The following EPC2 variants were observed in gnomAD, a reference collection of about 807,000 sequenced individuals.
EPC2 encodes enhancer of polycomb 2, also known as enhancer of polycomb homolog 2.
A neutral mutation model predicts 92.1 loss-of-function variants in EPC2; 14 were observed. The observed-to-expected ratio is 0.15, with a 90% CI of 0.10 to 0.24. The LOEUF is 0.24. Ranked by LOEUF, EPC2 falls within the 10% of genes least tolerant of loss-of-function variation. The pLI is 1.00. For synonymous variants in EPC2, 340 were observed against 334.7 expected, an observed-to-expected ratio of 1.02 and a Z score of -0.17; for missense variants, 755 against 971.5, an observed-to-expected ratio of 0.78 and a Z score of 2.96.
intron 1 of EPC2, among the ~76,000 whole-genome samples, chr2:148,658,819 ATATG>A (rs146623989): frequency 0.017 from 2,577 of 152,068 alleles, 66 homozygotes; most frequent in African/African-American, 0.058. Context: ...ATTAAACTAT[ATATG>A]TATGTTATAT....
intron 1 of EPC2, among the ~76,000 whole-genome samples, chr2:148,673,983 C>G (rs1681206322): frequency 1.3e-5 from 2 of 152,110 alleles, no homozygotes. Context: ...ATTCATAGAT[C>G]TTTTGGGTTG....
Position 148,644,807 on chromosome 2 carries a change from G to A in EPC2, c.-211G>A, listed in dbSNP as rs1421356851. Among the ~76,000 whole-genome samples, 1 of 147,690 alleles carries A rather than the reference G, an allele frequency of 6.8e-6. No homozygotes were observed. Among genetic ancestry groups the A allele is most frequent in the Non-Finnish European group, 1.5e-5 (1 of 66,562 alleles). On this transcript the variant is annotated 5_prime_UTR_variant, in exon 1 of 14. Transcript: ENST00000258484. ...GGAGCGGATCGGGCGGGCGAGCGGC[G>A]GATCTAGTGTGTGGAGGCGGCCGCG...
rs148965392 is a variant in EPC2, at chr2:148,746,431, T to C, written c.459+2664T>C. On this transcript the variant is annotated intron_variant, in intron 3 of 13. Transcript: ENST00000258484. ...ATCCCTTTCCTTCATTGATAACTAATTCACTTCAGGGTTTGTCAGGTTTTA... is the reference window on the plus strand; with the variant it reads ...ATCCCTTTCCTTCATTGATAACTAACTCACTTCAGGGTTTGTCAGGTTTTA... Among the ~76,000 whole-genome samples the C allele has an allele frequency of 4.7e-3, 720 of 152,228 alleles. 4 individuals carry two copies. The highest frequency in any genetic ancestry group is 0.016 in the African/African-American group (677 of 41,552).
At chr2:148,748,451 G>A (rs189544723) in intron 3 of EPC2, among the ~76,000 whole-genome samples, 165 of 152,178 alleles carry the variant, frequency 1.1e-3, no homozygotes, top group Non-Finnish European at 2.0e-3. Context: ...CTTTAGTGCT[G>A]ACTTCTTTAA....
At chr2:148,779,424 A>T (rs1683706815) in intron 10 of EPC2, among the ~76,000 whole-genome samples, 2 of 152,102 alleles carry the variant, frequency 1.3e-5, no homozygotes, top group Non-Finnish European at 2.9e-5. Flanking sequence ...TATACAAAAA[A>T]TTTCTAAAAT....
At chr2:148,761,363 A>AGATG (rs1179317197) in intron 4 of EPC2, among the ~76,000 whole-genome samples, 1 of 152,184 alleles carries the variant, frequency 6.6e-6, no homozygotes, top group Non-Finnish European at 1.5e-5. Flanking sequence ...ACAGAGCTGG[A>AGATG]GATGGATGGA....
chr2:148,774,992 G>A (rs144082535), intron 10 of EPC2, among the ~76,000 whole-genome samples: 6,799 of 151,608 alleles, frequency 0.045, 176 homozygotes, highest in Middle Eastern at 0.058. Context: ...GGGAGGTTGA[G>A]GCAGGAGAAT....
chr2:148,770,473 C>T (rs550870496), intron 8 of EPC2, among the ~76,000 whole-genome samples: 1 of 152,214 alleles, frequency 6.6e-6, no homozygotes, highest in Admixed American at 6.5e-5. Flanking sequence ...GTAATTTCAC[C>T]ATCTCTACTT....
chr2:148,650,498 G>T (rs1680659717), intron 1 of EPC2, among the ~76,000 whole-genome samples: 1 of 152,030 alleles, frequency 6.6e-6, no homozygotes. Context: ...GGTGTGTGTA[G>T]ATTTCTGTGA....
chr2:148,674,277 A>C (rs1335569743), intron 1 of EPC2, among the ~76,000 whole-genome samples: 1 of 152,082 alleles, frequency 6.6e-6, no homozygotes, highest in East Asian at 1.9e-4. Flanking sequence ...GGTACTGCAG[A>C]TTCTCTGGTG....
chr2:148,718,540 T>C (rs1445303666), intron 2 of EPC2, among the ~76,000 whole-genome samples: 4 of 152,224 alleles, frequency 2.6e-5, no homozygotes, highest in Admixed American at 6.5e-5. Context: ...GAAATTCTTT[T>C]CTTTAAGAAT....
At chr2:148,713,198 CATT>C (rs796495310) in intron 2 of EPC2, among the ~76,000 whole-genome samples, 5 of 152,240 alleles carry the variant, frequency 3.3e-5, no homozygotes, top group Admixed American at 2.0e-4. Context: ...TTTCAGAAGA[CATT>C]ATAGGAGATA....
At chr2:148,701,425 A>T (rs991170946) in intron 2 of EPC2, among the ~76,000 whole-genome samples, 1 of 152,178 alleles carries the variant, frequency 6.6e-6, no homozygotes, top group Non-Finnish European at 1.5e-5. Context: ...AGTTGAAGAA[A>T]TTCTCCTCTA....
Position 148,784,962 on chromosome 2 carries a change from C to T in EPC2, c.2312C>T (p.Pro771Leu), listed in dbSNP as rs375670137. 23 of 1,543,936 alleles carry T rather than the reference C, an allele frequency of 1.5e-5. No homozygotes were observed. Among genetic ancestry groups the T allele is most frequent in the Non-Finnish European group, 1.8e-5 (21 of 1,143,848 alleles). ...ATVAASMDRVPKVTPSSAISS... is the reference protein window; with the variant it reads ...ATVAASMDRVLKVTPSSAISS... ...GTTGCTGCCAGTATGGACAGAGTGC[C>T]AAAGGTTACTCCCAGCAGTGCCATC... Residue 771 changes from proline to leucine, a missense_variant, in exon 13 of 14, where the codon CCA (proline) becomes CTA (leucine). By Grantham distance (98) the Pro-to-Leu change is moderately conservative (BLOSUM62 -3). Coordinates refer to ENST00000258484, the MANE Select transcript of EPC2 (RefSeq NM_015630.4).
chr2:148,685,195 G>A (rs760719314), intron 1 of EPC2, among the ~76,000 whole-genome samples: 4 of 151,774 alleles, frequency 2.6e-5, no homozygotes, highest in Non-Finnish European at 4.4e-5. Context: ...AACTTTGTCC[G>A]TGGTGTCCTT....
At chr2:148,775,271 A>C (rs1368359820) in intron 10 of EPC2, among the ~76,000 whole-genome samples, 1 of 152,172 alleles carries the variant, frequency 6.6e-6, no homozygotes, top group Non-Finnish European at 1.5e-5. Context: ...GCAAGGTCTT[A>C]CAAGACAATC....
intron 2 of EPC2, among the ~76,000 whole-genome samples, chr2:148,693,037 A>G (rs1018664106): frequency 6.6e-6 from 1 of 152,190 alleles, no homozygotes. Flanking sequence ...TTTAAAATGC[A>G]TATACCATTT....
At chr2:148,699,058 T>A (rs528126227) in intron 2 of EPC2, among the ~76,000 whole-genome samples, 2 of 152,300 alleles carry the variant, frequency 1.3e-5, no homozygotes, top group Middle Eastern at 6.8e-3. Context: ...TCTACCTTAA[T>A]TATTGAGAAG....
At chr2:148,734,202 A>G (rs186389362) in intron 2 of EPC2, among the ~76,000 whole-genome samples, 5 of 151,972 alleles carry the variant, frequency 3.3e-5, no homozygotes, top group Admixed American at 3.3e-4. Flanking sequence ...TTTTTTTTCT[A>G]TGAATTAATT....
Sources: allele counts gnomAD v4.1 joint callset (sites outside exome capture counted in the v4.1 genomes callset), GRCh38; gene constraint gnomAD v4.1.1; transcripts MANE v1.5; gene names NCBI Gene and HGNC (gene_info 2026-07-23, HGNC 2026-07-21).